The following YAE1 variants were observed in gnomAD, a reference collection of about 807,000 sequenced individuals.
The protein encoded by YAE1 is YAE1 maturation factor of ABCE1.
YAE1 carries 22 observed loss-of-function variants against 23.0 expected under a neutral mutation model. That is an observed-to-expected ratio of 0.96 (90% CI 0.68 to 1.37). The LOEUF is 1.37. YAE1 is among the 40% of genes most tolerant of loss of function. The pLI is 0.00. For synonymous variants in YAE1, 101 were observed against 97.0 expected, an observed-to-expected ratio of 1.04 and a Z score of -0.24; for missense variants, 260 against 262.1, an observed-to-expected ratio of 0.99 and a Z score of 0.06.
chr7:39,566,760 G>T (rs940214373), intron 1 of YAE1: 11 of 610,042 alleles, frequency 1.8e-5, no homozygotes, highest in Non-Finnish European at 2.9e-5. Context: ...TACGGGATGC[G>T]TTAGAAACTG....
chr7:39,568,272 T>G (rs914343078), intron 1 of YAE1, among the ~76,000 whole-genome samples: 1 of 151,368 alleles, frequency 6.6e-6, no homozygotes, highest in African/African-American at 2.4e-5. Context: ...TATATATATA[T>G]AGTTAATGAT....
chr7:39,569,770 A>C, intron 1 of YAE1: 1 of 758,290 alleles, frequency 1.3e-6, no homozygotes, highest in Non-Finnish European at 2.5e-6. Flanking sequence ...ACAGAACCTG[A>C]AACAAACCAT....
chr7:39,600,325 G>A (rs1791037358), intron 2 of YAE1, among the ~76,000 whole-genome samples: 1 of 152,126 alleles, frequency 6.6e-6, no homozygotes, highest in Non-Finnish European at 1.5e-5. Flanking sequence ...TTAAGGTAAG[G>A]TCATGCTAGA....
intron 2 of YAE1, among the ~76,000 whole-genome samples, chr7:39,603,678 A>G (rs1041482447): frequency 2.6e-5 from 4 of 152,208 alleles, no homozygotes; most frequent in African/African-American, 9.6e-5. Flanking sequence ...AAGATGTTTC[A>G]CCAGAGTAAT....
Position 39,566,534 on chromosome 7 carries a change from A to G in YAE1, c.116A>G (p.Gln39Arg), listed in dbSNP as rs142596038. The G allele has an allele frequency of 3.7e-6, 6 of 1,614,030 alleles. No individual in the cohort carries two copies. The African/African-American group carries it at 5.3e-5, about 14-fold the overall frequency. The change falls in exon 1 of 3, where the codon CAA (glutamine) becomes CGA (arginine). Residue 39 changes from glutamine (Q) to arginine (R), a missense_variant. Transcript: ENST00000223273. Reference protein sequence around the residue: ...LAQREWQSNMQRRVKEGYRDG... With the variant: ...LAQREWQSNMRRRVKEGYRDG... ...CAGCGGGAATGGCAGAGTAACATGC[A>G]AAGACGAGTCAAAGTAAACGTGGTG... is the stretch of plus-strand genomic sequence containing the variant.
rs1790583769 is a variant in YAE1 at position 39,572,383 on chromosome 7, C to T, written c.358C>T (p.His120Tyr). ...VGQCEEYVLK[H>Y]LKSITPPSHV... ...CCAGTGTGAAGAGTATGTGCTCAAA[C>T]ATCTGAAATCAATCACTCCACCGTC... The change falls in exon 3 of 3, where the codon CAT becomes TAT. Residue 120 changes from histidine to tyrosine, a missense_variant. His to Tyr is a moderately conservative substitution (Grantham distance 83). Coordinates refer to ENST00000223273, the MANE Select transcript of YAE1 (RefSeq NM_020192.5). 1.9e-6 allele frequency: 3 copies of T among 1,614,124 alleles called. No individual in the cohort carries two copies. The highest frequency in any genetic ancestry group is 2.5e-6 in the Non-Finnish European group (3 of 1,179,976).
chr7:39,566,584 T>C, intron 1 of YAE1, 37 bp downstream of exon 1: 1 of 1,610,702 alleles, frequency 6.2e-7, no homozygotes, highest in South Asian at 1.1e-5. Context: ...TGCTGGGTTG[T>C]GGGAAGAGGC....
rs1790474478 is a variant in YAE1, at chr7:39,566,684, C to T, written c.129+137C>T. ...CCTAGGGACCCGGTCCGACCCGCGT[C>T]TTGCTAGGATTTCTCGATGGTTACT... On this transcript the variant is annotated intron_variant, in intron 1 of 2. Transcript: ENST00000223273. 3.3e-6 allele frequency: 4 copies of T among 1,217,774 alleles called. No homozygotes were observed. In the East Asian group the frequency reaches 1.1e-4, roughly 33 times the overall value. The allele number at this position is 1,217,774 out of a possible 1,614,324, so 75.4% of individuals were successfully genotyped here. A position where few individuals can be genotyped will look rare whatever the true frequency, so the allele number is the denominator to read the frequency against.
chr7:39,577,453 C>T (rs901138658), downstream of YAE1, among the ~76,000 whole-genome samples: 5 of 152,132 alleles, frequency 3.3e-5, no homozygotes, highest in Non-Finnish European at 5.9e-5. Context: ...GTGAGAGTGG[C>T]GAGCCAGCGT....
Position 39,566,459 on chromosome 7 carries a change from G to C in YAE1, c.41G>C (p.Gly14Ala), listed in dbSNP as rs771261823. The C allele has an allele frequency of 2.5e-6, 4 of 1,614,210 alleles. No homozygotes were observed. Among genetic ancestry groups the C allele is most frequent in the Non-Finnish European group, 2.5e-6 (3 of 1,180,032 alleles). Residue 14 changes from glycine to alanine, a missense_variant, in exon 1 of 3, where the codon GGA (glycine) becomes GCA (alanine). Physicochemically the swap from Gly to Ala is moderately conservative, Grantham distance 60 (BLOSUM62 0). Transcript: ENST00000223273. The stretch of plus-strand genomic sequence containing the variant: ...GCAGCCTCCTTGATCCAGGGCCCTG[G>C]AGACAAAGGGGACGTGTTTGACGAA... ...VQAASLIQGP[G>A]DKGDVFDEEA...
intron 2 of YAE1, among the ~76,000 whole-genome samples, chr7:39,605,844 A>G (rs1273564330): frequency 6.6e-6 from 1 of 151,990 alleles, no homozygotes; most frequent in Non-Finnish European, 1.5e-5. Flanking sequence ...TGTTCTCTAG[A>G]TTATCGTTTT....
intron 2 of YAE1, among the ~76,000 whole-genome samples, chr7:39,581,370 G>A (rs921265785): frequency 1.7e-4 from 26 of 152,180 alleles, no homozygotes; most frequent in Admixed American, 4.6e-4. Flanking sequence ...AAATATGAGA[G>A]ATTTGACAAT....
chr7:39,570,727 T>A, intron 2 of YAE1, 100 bp downstream of exon 2: 1 of 1,418,046 alleles, frequency 7.1e-7, no homozygotes, highest in South Asian at 1.5e-5. Flanking sequence ...CTTTTCCTGG[T>A]GCTAAATACA....
At chr7:39,570,461 G>A (rs777128797) in intron 1 of YAE1, 45 bp from the exon 2 acceptor site, 1 of 1,599,770 alleles carries the variant, frequency 6.3e-7, no homozygotes. Flanking sequence ...AAGCCTACAT[G>A]TATATACTTA....
chr7:39,602,865 C>T (rs1280010724), intron 2 of YAE1, among the ~76,000 whole-genome samples: 1 of 152,120 alleles, frequency 6.6e-6, no homozygotes, highest in Non-Finnish European at 1.5e-5. Context: ...TCTCGTGCCT[C>T]GATCTCCCGA....
intron 1 of YAE1, among the ~76,000 whole-genome samples, chr7:39,568,190 G>A (rs1464407096): frequency 7.9e-5 from 12 of 151,642 alleles, no homozygotes; most frequent in Non-Finnish European, 1.5e-5. Flanking sequence ...GTGAGCTGAG[G>A]TCATGCCACT....
At chr7:39,599,840 C>T (rs1249159631) in intron 2 of YAE1, among the ~76,000 whole-genome samples, 4 of 152,076 alleles carry the variant, frequency 2.6e-5, no homozygotes, top group Admixed American at 6.5e-5. Flanking sequence ...CCACCCACCT[C>T]GGCCTCCCAA....
chr7:39,597,715 G>A (rs1020375651), intron 2 of YAE1, among the ~76,000 whole-genome samples: 5 of 152,130 alleles, frequency 3.3e-5, no homozygotes, highest in African/African-American at 4.8e-5. Flanking sequence ...GATACGGCCC[G>A]AAAGTAGGAT....
At chr7:39,571,905 A>G (rs530857711) in intron 2 of YAE1, among the ~76,000 whole-genome samples, 20 of 152,200 alleles carry the variant, frequency 1.3e-4, no homozygotes, top group African/African-American at 4.3e-4. Context: ...CTGAAACTTA[A>G]AAAAAAGATA....
Sources: allele counts gnomAD v4.1 joint callset (sites outside exome capture counted in the v4.1 genomes callset), GRCh38; gene constraint gnomAD v4.1.1; transcripts MANE v1.5; gene names NCBI Gene and HGNC (gene_info 2026-07-23, HGNC 2026-07-21).